The following SVEP1 variants were observed in gnomAD, a reference collection of about 807,000 sequenced individuals.
SVEP1 encodes the protein sushi, von Willebrand factor type A, EGF and pentraxin domain-containing protein 1.
Under a neutral mutation model 367.3 loss-of-function variants are expected in SVEP1, and 164 were observed. That is an observed-to-expected ratio of 0.45 (90% CI 0.39 to 0.51). SVEP1 has a LOEUF of 0.51. Among genes scored for constraint, SVEP1 ranks in the 20% least tolerant of loss-of-function variants. The pLI, the probability that SVEP1 is intolerant of heterozygous loss-of-function variation, is 0.00. For missense variants in SVEP1, 4,117 were observed against 4,425.3 expected (o/e 0.93, Z 1.98); for synonymous variants, 1,666 against 1,611.6 (o/e 1.03, Z -0.81).
In SVEP1 at chr9:110,387,387, T is replaced by C. The variant is rs777699610; in HGVS notation, c.9958A>G (p.Asn3320Asp). 6.2e-6 allele frequency: 10 copies of C among 1,613,718 alleles called. No individual in the cohort carries two copies. Among genetic ancestry groups the C allele is most frequent in the East Asian group, 2.2e-5 (1 of 44,860 alleles). ...CCTCTGTTGCAGGAATATACCACGT[T>C]GGGTCCAGTCGTCCTGTTTTCAATG... Reference protein sequence around the residue: ...ADIENRTTGPNVVYSCNRGYS... With the variant: ...ADIENRTTGPDVVYSCNRGYS... Residue 3320 changes from asparagine to aspartate, a missense_variant, in exon 42 of 48, where the codon AAC (asparagine) becomes GAC (aspartate). By Grantham distance (23) the Asn-to-Asp change is conservative. This residue lies in a region of SVEP1 where 1,765 missense variants were observed against 1,781.1 expected (regional missense o/e 0.99). Transcript: ENST00000374469.
chr9:110,545,533 A>G (rs1394894568), intron 3 of SVEP1, among the ~76,000 whole-genome samples: 2 of 152,204 alleles, frequency 1.3e-5, no homozygotes, highest in Non-Finnish European at 2.9e-5. Context: ...GAAGAGTTTA[A>G]AAAGCCATCA....
At chr9:110,472,927 T>A (rs929548175) in intron 14 of SVEP1, among the ~76,000 whole-genome samples, 1 of 152,204 alleles carries the variant, frequency 6.6e-6, no homozygotes, top group African/African-American at 2.4e-5. Flanking sequence ...TGGGTTCAGA[T>A]TGTGGCTTCT....
Position 110,483,704 on chromosome 9 carries a change from T to C in SVEP1, c.1931-11A>G, listed in dbSNP as rs1434877539. 6.4e-7 allele frequency: 1 copy of C among 1,565,880 alleles called. No individual in the cohort carries two copies. Among genetic ancestry groups the C allele is most frequent in the Non-Finnish European group, 8.7e-7 (1 of 1,155,558 alleles). ...CAGGTGGTTCTGCATCTGAAGAACA[T>C]GAAATCAGACAAAGAAGTCACAGCT... On this transcript the variant is annotated splice_polypyrimidine_tract_variant and intron_variant, in intron 9 of 47. Transcript: ENST00000374469.
Position 110,411,261 on chromosome 9 carries a change from T to G in SVEP1, c.6450A>C (p.Pro2150=). ...CACTTGCATAGCCATTCATGATGCT[T>G]GGTGGCTCTCCACACCGCACAGGGA... is the stretch of plus-strand genomic sequence containing the variant. ...QCIPVRCGEP[P]SIMNGYASGS... is the part of the protein sequence containing the mutation. Residue 2150 remains proline (P), a synonymous_variant, in exon 37 of 48, where the codon CCA becomes CCC. Transcript: ENST00000374469. The G allele has an allele frequency of 1.2e-6, 2 of 1,614,034 alleles. No individual in the cohort carries two copies. The highest frequency in any genetic ancestry group is 1.7e-6 in the Non-Finnish European group (2 of 1,179,890).
At chr9:110,495,670 T>G (rs2118738457) in intron 8 of SVEP1, among the ~76,000 whole-genome samples, 1 of 151,748 alleles carries the variant, frequency 6.6e-6, no homozygotes, top group South Asian at 2.1e-4. Flanking sequence ...TACAGGTAAG[T>G]GTAGAAATAA....
intron 13 of SVEP1, among the ~76,000 whole-genome samples, chr9:110,477,550 A>C (rs1416494073): frequency 1.3e-5 from 2 of 152,100 alleles, no homozygotes; most frequent in African/African-American, 4.8e-5. Context: ...TGAAGCCTCC[A>C]ACAACTCCTC....
chr9:110,477,946 T>C (rs1392397070), intron 13 of SVEP1, among the ~76,000 whole-genome samples: 1 of 152,122 alleles, frequency 6.6e-6, no homozygotes. Context: ...AAGGCAAAGA[T>C]TTATAGTGAC....
chr9:110,554,777 T>C (rs1170588257), intron 1 of SVEP1, among the ~76,000 whole-genome samples: 1 of 151,912 alleles, frequency 6.6e-6, no homozygotes, highest in South Asian at 2.1e-4. Context: ...CATTTTCAGT[T>C]AGTACACATT....
intron 18 of SVEP1, among the ~76,000 whole-genome samples, chr9:110,465,096 A>C (rs887045590): frequency 6.6e-6 from 1 of 152,158 alleles, no homozygotes; most frequent in African/African-American, 2.4e-5. Flanking sequence ...TCCCTGGACC[A>C]GTAGAATCAG....
chr9:110,376,208 T>C (rs1827348237), intron 45 of SVEP1, among the ~76,000 whole-genome samples: 1 of 152,124 alleles, frequency 6.6e-6, no homozygotes, highest in African/African-American at 2.4e-5. Flanking sequence ...AGATGATCTG[T>C]ATGCATAGCA....
At chr9:110,409,553 A>C (rs1828013542) in intron 37 of SVEP1, among the ~76,000 whole-genome samples, 1 of 152,232 alleles carries the variant, frequency 6.6e-6, no homozygotes, top group Admixed American at 6.5e-5. Context: ...TGAACTGATG[A>C]GGCAACGCTA....
At chr9:110,543,109 T>C (rs1340281847) in intron 3 of SVEP1, among the ~76,000 whole-genome samples, 2 of 151,946 alleles carry the variant, frequency 1.3e-5, no homozygotes, top group African/African-American at 2.4e-5. Flanking sequence ...CTTCATGCCA[T>C]AGGAAGGATA....
intron 22 of SVEP1, among the ~76,000 whole-genome samples, chr9:110,452,579 A>AGG: frequency 6.6e-6 from 1 of 152,250 alleles, no homozygotes. Context: ...ACCCTTGGTT[A>AGG]GGGGTGATGA....
At chr9:110,444,266 G>C (rs1828557053) in intron 26 of SVEP1, among the ~76,000 whole-genome samples, 1 of 152,144 alleles carries the variant, frequency 6.6e-6, no homozygotes, top group Non-Finnish European at 1.5e-5. Context: ...GAGTCTTTGG[G>C]AAGTGATTAG....
chr9:110,538,453 G>A (rs1266782395), intron 3 of SVEP1, among the ~76,000 whole-genome samples: 1 of 152,022 alleles, frequency 6.6e-6, no homozygotes, highest in Non-Finnish European at 1.5e-5. Flanking sequence ...AATTTCTAGA[G>A]CTCTTTGTCC....
At chr9:110,492,622 T>A (rs1443565743) in intron 8 of SVEP1, among the ~76,000 whole-genome samples, 2 of 151,932 alleles carry the variant, frequency 1.3e-5, no homozygotes, top group Non-Finnish European at 2.9e-5. Context: ...TTCATATATA[T>A]ATATATGAAA....
chr9:110,578,976 G>A, intron 1 of SVEP1, 37 bp downstream of exon 1: 1 of 1,541,720 alleles, frequency 6.5e-7, no homozygotes. Flanking sequence ...AAGGGCCCGG[G>A]GACTAGGGCC....
At chr9:110,483,492 A>T (rs769884879) in intron 10 of SVEP1, 94 bp downstream of exon 10, 8 of 677,792 alleles carry the variant, frequency 1.2e-5, no homozygotes, top group Non-Finnish European at 1.9e-5. Context: ...GACAGTTGTT[A>T]TTTGCTTTTT....
intron 3 of SVEP1, among the ~76,000 whole-genome samples, chr9:110,527,432 T>C (rs1829953815): frequency 6.6e-6 from 1 of 152,048 alleles, no homozygotes; most frequent in Non-Finnish European, 1.5e-5. Flanking sequence ...ATTAATGAGG[T>C]GAATAGTATG....
Sources: gnomAD v4.1 joint callset for allele counts (sites outside exome capture counted in the v4.1 genomes callset) on GRCh38, gnomAD v4.1.1 for gene constraint, gnomAD v4.1.1 regional missense constraint, MANE v1.5 for transcripts, NCBI Gene and HGNC (gene_info 2026-07-23, HGNC 2026-07-21) for gene names.